The following LEPR variants were observed in gnomAD, a reference collection of about 807,000 sequenced individuals.
LEPR encodes the protein OB receptor.
A neutral mutation model predicts 114.7 loss-of-function variants in LEPR; 56 were observed. The observed-to-expected ratio is 0.49, with a 90% CI of 0.39 to 0.61. The LOEUF (loss-of-function observed/expected upper bound fraction) is 0.61. Among genes scored for constraint, LEPR ranks in the 20% least tolerant of loss-of-function variants. The probability of loss-of-function intolerance (pLI) is 0.00; values close to 1 mark genes in which losing one functional copy is unlikely to be tolerated. For missense variants in LEPR, 1,202 were observed against 1,352.9 expected, an observed-to-expected ratio of 0.89 and a Z score of 1.75; for synonymous variants, 443 against 461.4, an observed-to-expected ratio of 0.96 and a Z score of 0.51.
In LEPR at chr1:65,592,580, A is replaced by G. The variant is rs193066934; in HGVS notation, c.495-77A>G. ...TCCCAAATAGTTTACTTCAATTAGT[A>G]TTTAGTATCCTGCTTTAAAAGCCTA... On this transcript the variant is annotated intron_variant, in intron 5 of 19. Transcript: ENST00000349533. 1.3e-4 allele frequency: 196 copies of G among 1,505,058 alleles called. No homozygotes were observed. The African/African-American group carries it at 2.5e-3, about 19-fold the overall frequency. 93.2% of individuals were successfully genotyped at this position (1,505,058 alleles called of 1,614,324 possible).
At chr1:65,623,292 A>T in intron 19 of LEPR, 1 of 212,832 alleles carries the variant, frequency 4.7e-6, no homozygotes, top group South Asian at 9.9e-5. Flanking sequence ...AGATATTTGG[A>T]TACACTTTTT....
intron 2 of LEPR, among the ~76,000 whole-genome samples, chr1:65,492,734 C>T (rs902135872): frequency 4.6e-5 from 7 of 151,102 alleles, no homozygotes; most frequent in East Asian, 1.9e-4. Flanking sequence ...CCTGGCCTTT[C>T]GTATAGCTTC....
intron 2 of LEPR, among the ~76,000 whole-genome samples, chr1:65,537,578 A>G (rs556591141): frequency 3.5e-4 from 53 of 151,508 alleles, no homozygotes; most frequent in Non-Finnish European, 7.1e-4. Flanking sequence ...GAGCTCCTTT[A>G]TTGGTTACAT....
At position 65,425,746 on chromosome 1, in the gene LEPR, G is replaced by A. The variant is rs543079614; in HGVS notation, c.-21+368G>A. 2.6e-4 allele frequency among the ~76,000 whole-genome samples: 39 copies of A among 152,294 alleles called. 1 individual carries two copies. The highest frequency in any genetic ancestry group is 1.7e-3 in the South Asian group (8 of 4,818). Reference sequence around the variant, plus strand: ...ATGCCAGCACAGTACGCTGGAGCTCGGATAAAGTGCACCTGAGTTTCAGTG... The same window carrying A: ...ATGCCAGCACAGTACGCTGGAGCTCAGATAAAGTGCACCTGAGTTTCAGTG... On this transcript the variant is annotated intron_variant, in intron 2 of 19. Transcript: ENST00000349533.
intron 2 of LEPR, among the ~76,000 whole-genome samples, chr1:65,505,931 G>T (rs1648703775): frequency 6.6e-6 from 1 of 152,060 alleles, no homozygotes; most frequent in Non-Finnish European, 1.5e-5. Context: ...TTTAAGCCAA[G>T]ATAACGTCTT....
intron 2 of LEPR, among the ~76,000 whole-genome samples, chr1:65,465,915 G>A (rs1322648835): frequency 1.3e-5 from 2 of 152,076 alleles, no homozygotes; most frequent in South Asian, 4.1e-4. Flanking sequence ...GAGCCTATGT[G>A]TGTCTTTGCA....
chr1:65,628,388 G>A (rs1357549949), intron 19 of LEPR, among the ~76,000 whole-genome samples: 1 of 152,108 alleles, frequency 6.6e-6, no homozygotes, highest in East Asian at 1.9e-4. Flanking sequence ...TGTCCTGCTT[G>A]TTCCACTATT....
At chr1:65,623,791 A>G (rs1030712568) in intron 19 of LEPR, among the ~76,000 whole-genome samples, 1 of 152,314 alleles carries the variant, frequency 6.6e-6, no homozygotes, top group East Asian at 1.9e-4. Flanking sequence ...CCCTGAAGCT[A>G]TTAATAGTAC....
chr1:65,616,746 A>G (rs1269782985), intron 15 of LEPR, among the ~76,000 whole-genome samples: 1 of 152,150 alleles, frequency 6.6e-6, no homozygotes, highest in Non-Finnish European at 1.5e-5. Context: ...TAATTTTGAT[A>G]TATCTGATTA....
intron 2 of LEPR, among the ~76,000 whole-genome samples, chr1:65,470,921 G>A (rs908622906): frequency 2.0e-5 from 3 of 152,132 alleles, no homozygotes; most frequent in African/African-American, 7.2e-5. Context: ...AGTCATTTGG[G>A]AGCAGTAAAG....
At chr1:65,518,871 CTT>C (rs113511763) in intron 2 of LEPR, among the ~76,000 whole-genome samples, 25,885 of 125,718 alleles carry the variant, frequency 0.21, 2,846 homozygotes, top group African/African-American at 0.32. Context: ...TTCTTTCTTT[CTT>C]TTTCTTTCTT....
At chr1:65,525,695 G>A (rs922938669) in intron 2 of LEPR, 20 of 985,466 alleles carry the variant, frequency 2.0e-5, no homozygotes, top group Non-Finnish European at 2.4e-5. Context: ...CCGCACCTTG[G>A]GCGAGGAGTT....
chr1:65,487,707 T>A lies in LEPR; in HGVS notation c.-21+62329T>A, dbSNP rs868409429. 2.9e-3 allele frequency among the ~76,000 whole-genome samples: 201 copies of A among 68,616 alleles called. 5 individuals are homozygous for A. Among genetic ancestry groups the A allele is most frequent in the Middle Eastern group, 9.3e-3 (1 of 108 alleles). The allele number at this position is 68,616 out of a possible 152,430, so 45.0% of individuals were successfully genotyped here. On this transcript the variant is annotated intron_variant, in intron 2 of 19. Coordinates refer to ENST00000349533, the MANE Select transcript of LEPR (RefSeq NM_002303.6). ...CTTCATTGGGCTTTAAATTAAAAAA[T>A]TTTTTTTTAAAATTATCTTAGGTAC...
chr1:65,462,527 A>G (rs1224673005), intron 2 of LEPR, among the ~76,000 whole-genome samples: 1 of 152,186 alleles, frequency 6.6e-6, no homozygotes, highest in Non-Finnish European at 1.5e-5. Flanking sequence ...TAATGGGACC[A>G]CTGGGTCAAA....
chr1:65,596,021 G>C (rs1426629320), intron 6 of LEPR, among the ~76,000 whole-genome samples: 1 of 151,974 alleles, frequency 6.6e-6, no homozygotes, highest in Non-Finnish European at 1.5e-5. Flanking sequence ...CTGAATTTTG[G>C]GTAGTTTTGT....
At chr1:65,515,350 CA>C (rs1649234617) in intron 2 of LEPR, among the ~76,000 whole-genome samples, 1 of 152,150 alleles carries the variant, frequency 6.6e-6, no homozygotes, top group Non-Finnish European at 1.5e-5. Flanking sequence ...TGCTTTTGAG[CA>C]AGTCCGTAAA....
intron 17 of LEPR, 21 bp from the exon 18 acceptor site, chr1:65,621,331 GT>G: frequency 6.3e-7 from 1 of 1,597,568 alleles, no homozygotes; most frequent in Non-Finnish European, 8.6e-7. Flanking sequence ...TCTGAGTTGT[GT>G]AAATTGTATT....
intron 19 of LEPR, among the ~76,000 whole-genome samples, chr1:65,627,451 A>G (rs994205510): frequency 2.0e-5 from 3 of 152,196 alleles, no homozygotes; most frequent in Non-Finnish European, 4.4e-5. Flanking sequence ...CTATAATAAG[A>G]GACAGATAGT....
intron 1 of LEPR, among the ~76,000 whole-genome samples, chr1:65,421,819 C>T (rs2101666181): frequency 6.6e-6 from 1 of 152,212 alleles, no homozygotes; most frequent in South Asian, 2.1e-4. Context: ...ACTACCAAAT[C>T]ATGATCACGT....
Sources: gnomAD v4.1 joint callset for allele counts (sites outside exome capture counted in the v4.1 genomes callset) on GRCh38, gnomAD v4.1.1 for gene constraint, MANE v1.5 for transcripts, NCBI Gene and HGNC (gene_info 2026-07-23, HGNC 2026-07-21) for gene names.